The following GRM2 variants were observed in gnomAD, a reference collection of about 807,000 sequenced individuals.
GRM2 encodes glutamate metabotropic receptor 2.
GRM2 carries 35 observed loss-of-function variants against 60.4 expected under a neutral mutation model. That is an observed-to-expected ratio of 0.58 (90% confidence interval 0.44 to 0.77). The LOEUF (loss-of-function observed/expected upper bound fraction) is 0.77. Ranked by LOEUF, GRM2 falls within the 30% of genes least tolerant of loss-of-function variation. The pLI is 0.00. For missense variants in GRM2, 925 were observed against 1,199.5 expected (o/e 0.77, Z 3.38); for synonymous variants, 437 against 484.1 (o/e 0.90, Z 1.28).
At position 51,716,537 on chromosome 3, in the gene GRM2, G is replaced by A. The variant is rs1703903523; in HGVS notation, c.2364+400G>A. On this transcript the variant is annotated intron_variant, in intron 4 of 5. Transcript: ENST00000395052. The surrounding 1 kb of genome is among the most constrained non-coding windows in gnomAD (Gnocchi z 4.0). ...TAGGGGAGGAGATCCAGGGTATAGA[G>A]TTGAGAAAAGCTAAAGCAGGTGAAA... Among the ~76,000 whole-genome samples, 1 of 152,202 alleles carries A rather than the reference G, an allele frequency of 6.6e-6. No homozygotes were observed. The highest frequency in any genetic ancestry group is 2.4e-5 in the African/African-American group (1 of 41,446).
intron 3 of GRM2, chr3:51,714,659 G>A (rs1470128060): frequency 6.0e-6 from 1 of 166,362 alleles, no homozygotes; most frequent in African/African-American, 2.4e-5. Flanking sequence ...TTTAGCCTTA[G>A]CATTGAGTTT....
rs1479216160 is a variant in GRM2 at position 51,712,833 on chromosome 3, C to T, written c.811C>T (p.Arg271Cys). ...PSARVAVLFT[R>C]SEDARELLAA... ...TGCCCGCGTGGCTGTCCTGTTCACC[C>T]GTTCTGAGGATGCCCGGGAGCTGCT... Residue 271 changes from arginine to cysteine, a missense_variant, in exon 3 of 6, where the codon CGT becomes TGT. Transcript: ENST00000395052. The surrounding 1 kb of genome is among the most constrained non-coding windows in gnomAD (Gnocchi z 5.3). 27 of 1,612,820 alleles carry T rather than the reference C, an allele frequency of 1.7e-5. No individual in the cohort carries two copies. The highest frequency in any genetic ancestry group is 2.3e-5 in the Non-Finnish European group (27 of 1,180,048).
rs1192508409 is a variant in GRM2 at position 51,716,664 on chromosome 3, G to A, written c.2364+527G>A. Reference sequence around the variant, plus strand: ...AAGGGGCAATGGCTGCTTCAGATAGGGTGGTCAGGGAAGCCCTCTCTGAGG... The same window carrying A: ...AAGGGGCAATGGCTGCTTCAGATAGAGTGGTCAGGGAAGCCCTCTCTGAGG... On this transcript the variant is annotated intron_variant, in intron 4 of 5. Transcript: ENST00000395052. This position sits in a 1 kb window ranked among gnomAD's most constrained non-coding sequence, Gnocchi z 4.0. Among the ~76,000 whole-genome samples, 2 of 152,212 alleles carry A rather than the reference G, an allele frequency of 1.3e-5. No homozygotes were observed. The highest frequency in any genetic ancestry group is 4.8e-5 in the African/African-American group (2 of 41,440).
At position 51,718,003 on chromosome 3, in the gene GRM2, C is replaced by T. The variant is rs531622504; in HGVS notation, c.2546-36C>T. On this transcript the variant is annotated intron_variant, in intron 5 of 5. Transcript: ENST00000395052. The surrounding 1 kb of genome is among the most constrained non-coding windows in gnomAD (Gnocchi z 4.2). ...ACTGCCTGCCCTCCATGGAGGACCT[C>T]GGGATTGGCCCCAACCTCTGGCTTC... 27 of 1,598,572 alleles carry T rather than the reference C, an allele frequency of 1.7e-5. No homozygotes were observed. In the Middle Eastern group the frequency reaches 5.0e-4, roughly 29 times the overall value.
rs188849991 is a variant in GRM2 at position 51,716,415 on chromosome 3, A to C, written c.2364+278A>C. 6.6e-6 allele frequency among the ~76,000 whole-genome samples: 1 copy of C among 152,310 alleles called. No individual in the cohort carries two copies. Among genetic ancestry groups the C allele is most frequent in the Admixed American group, 6.5e-5 (1 of 15,306 alleles). ...GTGATGGGGGTGCAGAAATATGTTC[A>C]AATGGACAGGGTTCTGCCCTGCTCC... On this transcript the variant is annotated intron_variant, in intron 4 of 5. Transcript: ENST00000395052. The surrounding 1 kb of genome is among the most constrained non-coding windows in gnomAD (Gnocchi z 4.0).
rs938428365 is a variant in GRM2 at position 51,717,889 on chromosome 3, T to C, written c.2545+72T>C. ...CAGCTCCTTGGGTTGCTGAGATCTC[T>C]TGTCTGGGGGTGAGGTGCCCCCCAA... On this transcript the variant is annotated intron_variant, in intron 5 of 5. Transcript: ENST00000395052. The surrounding 1 kb of genome is among the most constrained non-coding windows in gnomAD (Gnocchi z 6.0). The C allele has an allele frequency of 6.6e-7, 1 of 1,513,438 alleles. No homozygotes were observed. The highest frequency in any genetic ancestry group is 1.7e-5 in the Admixed American group (1 of 59,468). 93.8% of individuals were successfully genotyped at this position (1,513,438 alleles called of 1,614,324 possible).
At position 51,716,070 on chromosome 3, in the gene GRM2, T is replaced by C; in HGVS notation, c.2297T>C (p.Met766Thr). The change falls in exon 4 of 6, where the codon ATG (methionine) becomes ACG (threonine). Residue 766 changes from methionine to threonine, a missense_variant. Physicochemically the swap from Met to Thr is moderately conservative, Grantham distance 81 (BLOSUM62 -1). Coordinates refer to ENST00000395052, the MANE Select transcript of GRM2 (RefSeq NM_000839.5). The surrounding 1 kb of genome is among the most constrained non-coding windows in gnomAD (Gnocchi z 4.0). ...FNEAKFIGFTMYTTCIIWLAF... is the reference protein window; with the variant it reads ...FNEAKFIGFTTYTTCIIWLAF... ...GAGGCCAAGTTCATTGGCTTCACCA[T>C]GTACACCACCTGCATCATCTGGCTG... 2 of 1,614,270 alleles carry C rather than the reference T, an allele frequency of 1.2e-6. No homozygotes were observed. Among genetic ancestry groups the C allele is most frequent in the Non-Finnish European group, 1.7e-6 (2 of 1,180,050 alleles).
chr3:51,715,496 G>C lies in GRM2; in HGVS notation c.1723G>C (p.Ala575Pro). The C allele has an allele frequency of 6.2e-7, 1 of 1,612,938 alleles. No homozygotes were observed. Among genetic ancestry groups the C allele is most frequent in the Non-Finnish European group, 8.5e-7 (1 of 1,179,998 alleles). Residue 575 changes from alanine to proline, a missense_variant, in exon 4 of 6, where the codon GCC becomes CCC. Physicochemically the swap from Ala to Pro is conservative, Grantham distance 27. Coordinates refer to ENST00000395052, the MANE Select transcript of GRM2 (RefSeq NM_000839.5). The surrounding 1 kb of genome is among the most constrained non-coding windows in gnomAD (Gnocchi z 9.0). ...CTGGGCTGTGGGACCTGTCACCATC[G>C]CCTGCCTCGGTGCCCTGGCCACCCT... ...DAWAVGPVTI[A>P]CLGALATLFV...
chr3:51,715,956 T>C lies in GRM2; in HGVS notation c.2183T>C (p.Met728Thr). The C allele has an allele frequency of 1.2e-6, 2 of 1,614,112 alleles. No homozygotes were observed. Among genetic ancestry groups the C allele is most frequent in the African/African-American group, 1.3e-5 (1 of 75,054 alleles). ...TLRCNHRDAS[M>T]LGSLAYNVLL... ...CGCTGCAACCACCGCGATGCAAGTA[T>C]GTTGGGCTCGCTGGCCTACAATGTG... The change falls in exon 4 of 6, where the codon ATG becomes ACG. Residue 728 changes from methionine (M) to threonine (T), a missense_variant. Transcript: ENST00000395052. This position sits in a 1 kb window ranked among gnomAD's most constrained non-coding sequence, Gnocchi z 9.0.
rs772536931 is a variant in GRM2, at chr3:51,715,544, C to T, written c.1771C>T (p.Arg591Trp). ...CCTCTTTGTGCTGGGTGTCTTTGTGCGGCACAATGCCACACCAGTGGTCAA... is the reference window on the plus strand; with the variant it reads ...CCTCTTTGTGCTGGGTGTCTTTGTGTGGCACAATGCCACACCAGTGGTCAA... ...ATLFVLGVFV[R>W]HNATPVVKAS... Residue 591 changes from arginine to tryptophan, a missense_variant, in exon 4 of 6, where the codon CGG becomes TGG. Physicochemically the swap from Arg to Trp is moderately radical, Grantham distance 101. Transcript: ENST00000395052. This position sits in a 1 kb window ranked among gnomAD's most constrained non-coding sequence, Gnocchi z 9.0. The T allele has an allele frequency of 6.1e-5, 99 of 1,613,614 alleles. No individual in the cohort carries two copies. The highest frequency in any genetic ancestry group is 1.6e-4 in the Middle Eastern group (1 of 6,084).
At position 51,709,387 on chromosome 3, in the gene GRM2, C is replaced by A; in HGVS notation, c.404C>A (p.Ala135Asp). ...SYATHGDAPT[A>D]ITGVIGGSYS... is the part of the protein sequence containing the mutation. ...GCGACCCATGGTGATGCTCCCACTG[C>A]CATCACTGGTGTTATTGGCGGTTCC... The change falls in exon 2 of 6, where the codon GCC becomes GAC. Residue 135 changes from alanine to aspartate, a missense_variant. Transcript: ENST00000395052. The A allele has an allele frequency of 6.3e-7, 1 of 1,579,766 alleles. No individual in the cohort carries two copies.
At position 51,709,144 on chromosome 3, in the gene GRM2, A is replaced by G. The variant is rs1222041644; in HGVS notation, c.161A>G (p.Asn54Ser). The G allele has an allele frequency of 1.2e-5, 20 of 1,612,410 alleles. No individual in the cohort carries two copies. Among genetic ancestry groups the G allele is most frequent in the East Asian group, 2.2e-5 (1 of 44,878 alleles). The stretch of plus-strand genomic sequence containing the variant: ...CCAGCAGAGGACTGTGGTCCTGTCA[A>G]TGAGCACCGTGGCATCCAGCGCCTG... The part of the protein sequence containing the change: ...GGPAEDCGPV[N>S]EHRGIQRLEA... Residue 54 changes from asparagine to serine, a missense_variant, in exon 2 of 6, where the codon AAT becomes AGT. Transcript: ENST00000395052.
At chr3:51,707,716 G>C (rs1703559216) in intron 1 of GRM2, 1 of 152,518 alleles carries the variant, frequency 6.6e-6, no homozygotes, top group Non-Finnish European at 1.5e-5. Flanking sequence ...GGAGCTGAGG[G>C]GGCAAAATGA....
Position 51,712,240 on chromosome 3 carries a change from T to G in GRM2, c.451-233T>G, listed in dbSNP as rs190366830. ...GGCAGAGGGGATCAGGTGTGGCTCA[T>G]GACCCTGGTGTCTCCACCCTGGGTC... On this transcript the variant is annotated intron_variant, in intron 2 of 5. Transcript: ENST00000395052. This position sits in a 1 kb window ranked among gnomAD's most constrained non-coding sequence, Gnocchi z 5.3. 2.0e-5 allele frequency among the ~76,000 whole-genome samples: 3 copies of G among 152,284 alleles called. No individual in the cohort carries two copies. The highest frequency in any genetic ancestry group is 2.0e-4 in the Admixed American group (3 of 15,304).
chr3:51,707,955 T>C, intron 1 of GRM2: 1 of 152,382 alleles, frequency 6.6e-6, no homozygotes, highest in East Asian at 1.9e-4. Context: ...CTGAGGGCCA[T>C]GGCTAGGGTG....
Position 51,715,138 on chromosome 3 carries a change from C to T in GRM2, c.1365C>T (p.Ile455=). ...GTGATGGTATTGGCCGCTACAACATCTTCACCTATCTGCGTGCAGGCAGTG... is the reference window on the plus strand; with the variant it reads ...GTGATGGTATTGGCCGCTACAACATTTTCACCTATCTGCGTGCAGGCAGTG... ...RFGDGIGRYN[I]FTYLRAGSGR... The change falls in exon 4 of 6, where the codon ATC becomes ATT. Residue 455 remains isoleucine (I), a synonymous_variant. Transcript: ENST00000395052. This position sits in a 1 kb window ranked among gnomAD's most constrained non-coding sequence, Gnocchi z 9.0. 1 of 1,612,376 alleles carries T rather than the reference C, an allele frequency of 6.2e-7. No homozygotes were observed. The highest frequency in any genetic ancestry group is 1.7e-4 in the Middle Eastern group (1 of 6,056).
Position 51,713,891 on chromosome 3 carries a change from G to A in GRM2, c.1288+581G>A. The stretch of plus-strand genomic sequence containing the variant: ...TCTGCCTCAGTCTCCAGAGTAGCTA[G>A]GATGACAGGCATGTGGCACTGCTCC... On this transcript the variant is annotated intron_variant, in intron 3 of 5. Coordinates refer to ENST00000395052, the MANE Select transcript of GRM2 (RefSeq NM_000839.5). This position sits in a 1 kb window ranked among gnomAD's most constrained non-coding sequence, Gnocchi z 4.8. 1 of 434,498 alleles carries A rather than the reference G, an allele frequency of 2.3e-6. No individual in the cohort carries two copies. The highest frequency in any genetic ancestry group is 4.7e-6 in the Non-Finnish European group (1 of 213,226). 26.9% of individuals were successfully genotyped at this position (434,498 alleles called of 1,614,324 possible).
intron 1 of GRM2, chr3:51,707,878 T>C (rs1703563321): frequency 6.6e-6 from 1 of 152,028 alleles, no homozygotes; most frequent in African/African-American, 2.4e-5. Flanking sequence ...TTGTGGGGTG[T>C]GTGTTTGGGA....
Position 51,709,001 on chromosome 3 carries a change from G to C in GRM2, c.18G>C (p.Ala6=), listed in dbSNP as rs533622062. ...TTGGGGCCATGGGATCGCTGCTTGC[G>C]CTCCTGGCACTGCTGCTGCTGTGGG... MGSLL[A]LLALLLLWGA... The change falls in exon 2 of 6, where the codon GCG becomes GCC. Residue 6 remains alanine, a synonymous_variant. Transcript: ENST00000395052. 6.3e-7 allele frequency: 1 copy of C among 1,582,660 alleles called. No homozygotes were observed.
Sources: allele counts gnomAD v4.1 joint callset (sites outside exome capture counted in the v4.1 genomes callset), GRCh38; gene constraint gnomAD v4.1.1; non-coding constraint Gnocchi (gnomAD v3.1); transcripts MANE v1.5; gene names NCBI Gene and HGNC (gene_info 2026-07-23, HGNC 2026-07-21).